The following ZSWIM6 variants were observed in gnomAD, a reference collection of about 807,000 sequenced individuals.
The protein encoded by ZSWIM6 is zinc finger SWIM domain-containing protein 6.
Under a neutral mutation model 113.2 loss-of-function variants are expected in ZSWIM6, and 9 were observed. That is an observed-to-expected ratio of 0.08 (90% confidence interval 0.05 to 0.14). The LOEUF is 0.14. ZSWIM6 is among the 10% of genes least tolerant of loss of function. ZSWIM6 has a pLI of 1.00. For synonymous variants in ZSWIM6, 611 were observed against 606.5 expected (o/e 1.01, Z -0.11); for missense variants, 1,162 against 1,552.2 (o/e 0.75, Z 4.22).
intron 1 of ZSWIM6, among the ~76,000 whole-genome samples, chr5:61,362,522 C>T (rs972324474): frequency 2.0e-5 from 3 of 152,092 alleles, no homozygotes; most frequent in African/African-American, 4.8e-5. Flanking sequence ...TACAGGTTTT[C>T]CCTGCAGTAG....
chr5:61,469,549 C>T (rs769294625), intron 1 of ZSWIM6, among the ~76,000 whole-genome samples: 1 of 152,162 alleles, frequency 6.6e-6, no homozygotes, highest in Non-Finnish European at 1.5e-5. Context: ...AGTAACAAAA[C>T]TGTATAATAT....
intron 1 of ZSWIM6, among the ~76,000 whole-genome samples, chr5:61,437,431 A>G (rs1746732552): frequency 6.6e-6 from 1 of 152,166 alleles, no homozygotes; most frequent in Non-Finnish European, 1.5e-5. Context: ...ATGTAAAAAA[A>G]CAAAATCCAG....
chr5:61,361,122 T>C (rs2112053025), intron 1 of ZSWIM6, among the ~76,000 whole-genome samples: 1 of 152,234 alleles, frequency 6.6e-6, no homozygotes, highest in Admixed American at 6.5e-5. Flanking sequence ...AATGTGGACT[T>C]TTCCCTGGGC....
intron 6 of ZSWIM6, 71 bp downstream of exon 6, chr5:61,526,047 T>G (rs775882570): frequency 1.3e-6 from 2 of 1,512,998 alleles, no homozygotes; most frequent in Middle Eastern, 1.8e-4. Flanking sequence ...ATTACTGGAA[T>G]GGGAGGTGGA....
chr5:61,424,449 G>C (rs1225995848), intron 1 of ZSWIM6, among the ~76,000 whole-genome samples: 2 of 152,200 alleles, frequency 1.3e-5, no homozygotes, highest in Non-Finnish European at 2.9e-5. Flanking sequence ...CCGGGGCTCA[G>C]ACCCTGGTCT....
At chr5:61,390,915 T>C in intron 1 of ZSWIM6, 6 of 861,114 alleles carry the variant, frequency 7.0e-6, no homozygotes, top group South Asian at 5.2e-5. Flanking sequence ...TTCACCATAG[T>C]GGACAAAGGC....
intron 1 of ZSWIM6, among the ~76,000 whole-genome samples, chr5:61,389,033 C>T (rs1243843816): frequency 2.0e-5 from 3 of 152,122 alleles, no homozygotes; most frequent in East Asian, 3.8e-4. Context: ...CCTGCAAACT[C>T]ATTCAGGGAG....
In ZSWIM6 at chr5:61,539,740, C is replaced by G; in HGVS notation, c.2684C>G (p.Ser895Cys). 6.4e-7 allele frequency: 1 copy of G among 1,551,308 alleles called. No individual in the cohort carries two copies. The highest frequency in any genetic ancestry group is 8.7e-7 in the Non-Finnish European group (1 of 1,146,766). Residue 895 changes from serine (S) to cysteine (C), a missense_variant, in exon 12 of 14, where the codon TCT (serine) becomes TGT (cysteine). Ser to Cys is a moderately radical substitution (Grantham distance 112, BLOSUM62 -1). Transcript: ENST00000252744. Reference sequence around the variant, plus strand: ...CCAGACATCACTCTTTTGAAAGTGTCTCTGGAGCTGGGCCTGCAGGTACAT... The same window carrying G: ...CCAGACATCACTCTTTTGAAAGTGTGTCTGGAGCTGGGCCTGCAGGTACAT... ...SLPDITLLKV[S>C]LELGLQVMRM...
At chr5:61,399,492 A>G (rs955257887) in intron 1 of ZSWIM6, among the ~76,000 whole-genome samples, 1 of 151,890 alleles carries the variant, frequency 6.6e-6, no homozygotes, top group African/African-American at 2.4e-5. Flanking sequence ...GTCAACACCT[A>G]CTGAGTTGGA....
chr5:61,473,739 A>G (rs1747638007), intron 2 of ZSWIM6, among the ~76,000 whole-genome samples: 1 of 152,206 alleles, frequency 6.6e-6, no homozygotes, highest in Non-Finnish European at 1.5e-5. Context: ...TGCTTTTAAA[A>G]CATTTGGACA....
In ZSWIM6 at chr5:61,526,620, C is replaced by CTTTTTTTTT. The variant is rs1749291599; in HGVS notation, c.1837+230_1837+231insTTTTTTTTT. Among the ~76,000 whole-genome samples the CTTTTTTTTT allele has an allele frequency of 8.6e-5, 13 of 151,486 alleles. No individual in the cohort carries two copies. The South Asian group carries it at 2.7e-3, about 32-fold the overall frequency. On this transcript the variant is annotated intron_variant, in intron 7 of 13. Transcript: ENST00000252744. ...TTTTTTTAATCTCTCAGGTTAGTTA[C>CTTTTTTTTT]TTTTTTAAGGGGGATAATTTTCTTT...
intron 1 of ZSWIM6, among the ~76,000 whole-genome samples, chr5:61,384,410 G>A (rs1407793643): frequency 6.6e-6 from 1 of 152,186 alleles, no homozygotes; most frequent in Admixed American, 6.5e-5. Flanking sequence ...TTTAGAACAT[G>A]CATGGTGGTG....
At chr5:61,471,466 A>G (rs1342849963) in intron 1 of ZSWIM6, among the ~76,000 whole-genome samples, 4 of 152,202 alleles carry the variant, frequency 2.6e-5, no homozygotes, top group Non-Finnish European at 5.9e-5. Flanking sequence ...GGCAGTTTGC[A>G]GTTGATAGTA....
intron 12 of ZSWIM6, 111 bp from the exon 13 acceptor site, chr5:61,541,773 C>T (rs1749744461): frequency 2.4e-6 from 2 of 818,022 alleles, no homozygotes; most frequent in South Asian, 4.0e-5. Context: ...CTTTCATCTT[C>T]CTGGTGGTAG....
intron 1 of ZSWIM6, among the ~76,000 whole-genome samples, chr5:61,432,034 A>T (rs1327209707): frequency 6.6e-6 from 1 of 152,194 alleles, no homozygotes; most frequent in Non-Finnish European, 1.5e-5. Context: ...CATTTTTAAA[A>T]TTCATGTCTT....
chr5:61,518,166 A>G (rs1046628943), intron 4 of ZSWIM6, among the ~76,000 whole-genome samples: 3 of 151,570 alleles, frequency 2.0e-5, no homozygotes, highest in African/African-American at 7.3e-5. Context: ...TATGTGCCAC[A>G]TTTTCTTAAT....
At chr5:61,375,040 A>G (rs1029198899) in intron 1 of ZSWIM6, 53 of 1,365,988 alleles carry the variant, frequency 3.9e-5, no homozygotes, top group African/African-American at 5.7e-5. Context: ...GACCAAGTCT[A>G]TAAGATATTA....
chr5:61,486,301 T>C (rs1411626641), intron 2 of ZSWIM6, among the ~76,000 whole-genome samples: 1 of 152,178 alleles, frequency 6.6e-6, no homozygotes, highest in African/African-American at 2.4e-5. Flanking sequence ...CTTTTTTTTA[T>C]GGCCAAATAG....
At chr5:61,454,587 C>G (rs200791835) in intron 1 of ZSWIM6, among the ~76,000 whole-genome samples, 3 of 79,878 alleles carry the variant, frequency 3.8e-5, no homozygotes, top group Non-Finnish European at 2.6e-5. Context: ...TTTTTTTTTT[C>G]TTTTCGAGAT....
Sources: allele counts gnomAD v4.1 joint callset (sites outside exome capture counted in the v4.1 genomes callset), GRCh38; gene constraint gnomAD v4.1.1; transcripts MANE v1.5; gene names NCBI Gene and HGNC (gene_info 2026-07-23, HGNC 2026-07-21).